The following PRELID2 variants were observed in gnomAD, a reference collection of about 807,000 sequenced individuals.
PRELID2 encodes PRELI domain-containing protein 2.
A neutral mutation model predicts 28.4 loss-of-function variants in PRELID2; 25 were observed. The ratio of observed to expected loss-of-function variants is 0.88; its 90% confidence interval spans 0.64 to 1.23. PRELID2 has a LOEUF of 1.23. Among genes scored for constraint, PRELID2 ranks in the 50% most tolerant of loss-of-function variants. The pLI is 0.00. For missense variants in PRELID2, 201 were observed against 214.4 expected (o/e 0.94, Z 0.39); for synonymous variants, 76 against 71.6 (o/e 1.06, Z -0.31).
the PRELID2 span, among the ~76,000 whole-genome samples, chr5:145,415,280 C>CT: frequency 6.0e-5 from 9 of 151,062 alleles, no homozygotes; most frequent in East Asian, 2.0e-4. Context: ...TTCTTTTTTT[C>CT]TTTTTTTTAT....
intron 1 of PRELID2, among the ~76,000 whole-genome samples, chr5:145,828,996 C>T (rs901297487): frequency 1.3e-5 from 2 of 151,804 alleles, no homozygotes; most frequent in Non-Finnish European, 2.9e-5. Context: ...TGCCACCATG[C>T]CCCGGCTAAT....
chr5:145,429,396 A>G, the PRELID2 span, among the ~76,000 whole-genome samples: 1 of 152,154 alleles, frequency 6.6e-6, no homozygotes, highest in Non-Finnish European at 1.5e-5. Flanking sequence ...CCATGAACTG[A>G]AATTGAAACT....
the PRELID2 span, among the ~76,000 whole-genome samples, chr5:145,400,877 T>C: frequency 6.6e-6 from 1 of 152,136 alleles, no homozygotes; most frequent in African/African-American, 2.4e-5. Flanking sequence ...ATTAGGGCTA[T>C]GAGGAACCTA....
At chr5:145,709,691 C>A (rs931361454) in intron 1 of PRELID2, among the ~76,000 whole-genome samples, 1 of 151,966 alleles carries the variant, frequency 6.6e-6, no homozygotes, top group African/African-American at 2.4e-5. Flanking sequence ...GAGATAGGAG[C>A]CAATCACCAA....
At chr5:145,643,274 A>T (rs1754139355) in intron 1 of PRELID2, among the ~76,000 whole-genome samples, 1 of 152,138 alleles carries the variant, frequency 6.6e-6, no homozygotes, top group African/African-American at 2.4e-5. Flanking sequence ...TTCTCTTAGT[A>T]GCAATTGTAA....
At chr5:145,822,975 T>C in intron 2 of PRELID2, 102 bp downstream of exon 2, 1 of 597,814 alleles carries the variant, frequency 1.7e-6, no homozygotes, top group South Asian at 2.6e-5. Context: ...TGAACAATTT[T>C]TTAAAAAAAA....
intron 1 of PRELID2, among the ~76,000 whole-genome samples, chr5:145,609,894 G>C (rs1753586155): frequency 6.6e-6 from 1 of 152,230 alleles, no homozygotes; most frequent in African/African-American, 2.4e-5. Flanking sequence ...CACTGGTCTG[G>C]AAGCTGGTAC....
chr5:145,764,792 C>A, intron 6 of PRELID2, 139 bp downstream of exon 6: 1 of 637,684 alleles, frequency 1.6e-6, no homozygotes, highest in Non-Finnish European at 2.8e-6. Flanking sequence ...AGATAAAACA[C>A]CTGTGAAATA....
chr5:145,248,215 C>G, the PRELID2 span, among the ~76,000 whole-genome samples: 9 of 152,182 alleles, frequency 5.9e-5, no homozygotes, highest in South Asian at 2.1e-4. Context: ...CGTTCCCCCC[C>G]CTTCTTAACC....
intron 1 of PRELID2, among the ~76,000 whole-genome samples, chr5:145,627,192 T>C (rs1250256098): frequency 8.3e-6 from 1 of 120,684 alleles, no homozygotes; most frequent in Non-Finnish European, 1.8e-5. Flanking sequence ...TAAAAAAGAA[T>C]GAAATCGTAT....
At position 145,835,163 on chromosome 5, in the gene PRELID2, A is replaced by C. The variant is rs1418961722; in HGVS notation, c.75+14T>G. 1 of 1,539,004 alleles carries C rather than the reference A, an allele frequency of 6.5e-7. No individual in the cohort carries two copies. Among genetic ancestry groups the C allele is most frequent in the East Asian group, 2.5e-5 (1 of 40,630 alleles). ...AGGCAGCGCGGGATACGGAAGGTGG[A>C]AGCGGGGCGGTACCTTTCGGAGAAA... On this transcript the variant is annotated intron_variant, in intron 1 of 6. Transcript: ENST00000683046.
the PRELID2 span, among the ~76,000 whole-genome samples, chr5:145,257,605 T>A: frequency 0.083 from 12,580 of 152,132 alleles, 1,130 homozygotes; most frequent in African/African-American, 0.23. Context: ...ATAAGAATGT[T>A]TAAGAATATA....
At chr5:145,547,087 G>T (rs1001506523) in intron 1 of PRELID2, among the ~76,000 whole-genome samples, 3 of 152,176 alleles carry the variant, frequency 2.0e-5, no homozygotes, top group African/African-American at 7.2e-5. Context: ...TCAAGAAGGA[G>T]ACTTCTTCAA....
At chr5:145,776,604 C>T (rs2149788727) in intron 5 of PRELID2, among the ~76,000 whole-genome samples, 1 of 152,348 alleles carries the variant, frequency 6.6e-6, no homozygotes, top group Non-Finnish European at 1.5e-5. Context: ...CCGTTTCAGG[C>T]ACCCACTGGG....
At chr5:145,281,156 AC>A in the PRELID2 span, among the ~76,000 whole-genome samples, 1 of 152,126 alleles carries the variant, frequency 6.6e-6, no homozygotes, top group Non-Finnish European at 1.5e-5. Context: ...AGAAAAGCAT[AC>A]CTTTCTTCTT....
chr5:145,688,785 G>A (rs375753220), intron 1 of PRELID2, among the ~76,000 whole-genome samples: 3 of 152,306 alleles, frequency 2.0e-5, no homozygotes, highest in South Asian at 4.1e-4. Context: ...AATCAGGCAG[G>A]AGGCAAAGGT....
At chr5:145,762,920 C>A (rs1363299017) in intron 6 of PRELID2, among the ~76,000 whole-genome samples, 2 of 152,210 alleles carry the variant, frequency 1.3e-5, no homozygotes, top group African/African-American at 2.4e-5. Context: ...TCATTTAAAA[C>A]TGCCATTCTC....
chr5:145,229,242 G>C, the PRELID2 span: 1 of 773,170 alleles, frequency 1.3e-6, no homozygotes, highest in East Asian at 2.5e-5. Flanking sequence ...GGTCCCTGGA[G>C]GGCTCCCTGG....
intron 1 of PRELID2, among the ~76,000 whole-genome samples, chr5:145,690,427 G>A (rs1335672411): frequency 6.6e-6 from 1 of 152,172 alleles, no homozygotes; most frequent in Non-Finnish European, 1.5e-5. Flanking sequence ...GGGTGTTTAG[G>A]TGATCCAGTG....
Sources: allele counts gnomAD v4.1 joint callset (sites outside exome capture counted in the v4.1 genomes callset), GRCh38; gene constraint gnomAD v4.1.1; transcripts MANE v1.5; gene names NCBI Gene and HGNC (gene_info 2026-07-23, HGNC 2026-07-21).